The following PABPC4L variants were observed in gnomAD, a reference collection of about 807,000 sequenced individuals.
PABPC4L encodes polyadenylate-binding protein 4-like.
For missense variants in PABPC4L, 452 were observed against 451.4 expected, an observed-to-expected ratio of 1.00 and a Z score of -0.01; for synonymous variants, 169 against 164.1, an observed-to-expected ratio of 1.03 and a Z score of -0.23.
At chr4:134,048,791 G>C in the PABPC4L span, among the ~76,000 whole-genome samples, 2 of 151,990 alleles carry the variant, frequency 1.3e-5, no homozygotes, top group Admixed American at 6.6e-5. Context: ...TGATGTTCCA[G>C]CTAAATTAAT....
At chr4:134,108,655 C>T in the PABPC4L span, among the ~76,000 whole-genome samples, 1 of 151,720 alleles carries the variant, frequency 6.6e-6, no homozygotes, top group East Asian at 1.9e-4. Flanking sequence ...ATTATGATTT[C>T]CATGTGTGAA....
At chr4:134,177,241 C>T in the PABPC4L span, among the ~76,000 whole-genome samples, 4 of 146,390 alleles carry the variant, frequency 2.7e-5, no homozygotes, top group Non-Finnish European at 5.9e-5. Context: ...AGTGCAGTGG[C>T]AGGATCTTGG....
At chr4:134,151,667 T>C in the PABPC4L span, among the ~76,000 whole-genome samples, 1 of 152,052 alleles carries the variant, frequency 6.6e-6, no homozygotes, top group Non-Finnish European at 1.5e-5. Context: ...TTATTTATTT[T>C]ATTAACTCAA....
the PABPC4L span, among the ~76,000 whole-genome samples, chr4:134,103,297 G>A: frequency 7.9e-5 from 12 of 151,598 alleles, no homozygotes; most frequent in Admixed American, 4.6e-4. Context: ...GCAGTGATGG[G>A]TAGTGTACTT....
chr4:133,980,275 T>G, the PABPC4L span, among the ~76,000 whole-genome samples: 1 of 152,302 alleles, frequency 6.6e-6, no homozygotes, highest in Non-Finnish European at 1.5e-5. Flanking sequence ...TTGAGACAAA[T>G]TAACAAATAT....
the PABPC4L span, among the ~76,000 whole-genome samples, chr4:134,029,604 T>C: frequency 5.9e-5 from 9 of 151,972 alleles, no homozygotes; most frequent in Admixed American, 5.9e-4. Context: ...AAATATTTAA[T>C]AATATAAAAT....
chr4:134,062,540 A>ATT, the PABPC4L span, among the ~76,000 whole-genome samples: 1 of 152,208 alleles, frequency 6.6e-6, no homozygotes, highest in East Asian at 1.9e-4. Flanking sequence ...TACAAAAGTG[A>ATT]TTAAACAAAT....
the PABPC4L span, among the ~76,000 whole-genome samples, chr4:134,126,090 T>C: frequency 6.6e-6 from 1 of 152,276 alleles, no homozygotes; most frequent in Admixed American, 6.5e-5. Flanking sequence ...TTGATAACAT[T>C]ACCATTTTAT....
the PABPC4L span, among the ~76,000 whole-genome samples, chr4:134,187,711 T>G: frequency 6.6e-6 from 1 of 152,170 alleles, no homozygotes; most frequent in East Asian, 1.9e-4. Context: ...CTTTGAAGTC[T>G]GCTTTGTCTG....
At chr4:134,003,246 T>C in the PABPC4L span, among the ~76,000 whole-genome samples, 1 of 152,066 alleles carries the variant, frequency 6.6e-6, no homozygotes, top group East Asian at 1.9e-4. Context: ...CCTAACACCT[T>C]CCAGTTATGT....
At chr4:134,123,042 C>T in the PABPC4L span, among the ~76,000 whole-genome samples, 1 of 151,940 alleles carries the variant, frequency 6.6e-6, no homozygotes, top group East Asian at 1.9e-4. Flanking sequence ...CTATACAAAG[C>T]ATTGCTCCTA....
chr4:133,955,576 T>G, the PABPC4L span, among the ~76,000 whole-genome samples: 3 of 152,174 alleles, frequency 2.0e-5, no homozygotes, highest in Admixed American at 6.5e-5. Flanking sequence ...GTTTAAAAAT[T>G]TAAATTTTGA....
the PABPC4L span, among the ~76,000 whole-genome samples, chr4:134,154,088 T>C: frequency 6.6e-6 from 1 of 152,018 alleles, no homozygotes; most frequent in Non-Finnish European, 1.5e-5. Context: ...AAAGATAATC[T>C]ATCTTATTAT....
At chr4:134,098,553 G>A in the PABPC4L span, among the ~76,000 whole-genome samples, 2 of 151,646 alleles carry the variant, frequency 1.3e-5, no homozygotes, top group African/African-American at 2.4e-5. Flanking sequence ...TACTGATTTA[G>A]AATTCCAAAT....
At chr4:134,178,365 C>CAAAAAAAAAAAAAAAA in the PABPC4L span, among the ~76,000 whole-genome samples, 1 of 104,062 alleles carries the variant, frequency 9.6e-6, no homozygotes, top group Admixed American at 1.0e-4. Flanking sequence ...AAGAAAAAAG[C>CAAAAAAAAAAAAAAAA]AAAAAAAAAA....
the PABPC4L span, among the ~76,000 whole-genome samples, chr4:133,987,044 C>T: frequency 6.6e-6 from 1 of 152,090 alleles, no homozygotes; most frequent in Non-Finnish European, 1.5e-5. Flanking sequence ...CTGAGACTTT[C>T]AATTGTTGAT....
At chr4:133,979,493 G>A in the PABPC4L span, among the ~76,000 whole-genome samples, 131 of 152,224 alleles carry the variant, frequency 8.6e-4, 1 homozygote, top group African/African-American at 3.1e-3. Context: ...GGCAAGGGAT[G>A]TTTCCAACAG....
chr4:134,102,325 A>G, the PABPC4L span, among the ~76,000 whole-genome samples: 1 of 151,496 alleles, frequency 6.6e-6, no homozygotes, highest in Non-Finnish European at 1.5e-5. Flanking sequence ...CTGAGCTCAT[A>G]AAAGTGCTAT....
chr4:134,201,098 T>G lies in PABPC4L; in HGVS notation c.-79A>C, dbSNP rs1729864637. 3 of 1,550,898 alleles carry G rather than the reference T, an allele frequency of 1.9e-6. No homozygotes were observed. The highest frequency in any genetic ancestry group is 3.3e-4 in the Middle Eastern group (2 of 5,992). Reference sequence around the variant, plus strand: ...TGTGGGGGGATACTAGGTCACAGCTTTGGCCCGGTTCAAGTGTGGAGGCCT... The same window carrying G: ...TGTGGGGGGATACTAGGTCACAGCTGTGGCCCGGTTCAAGTGTGGAGGCCT... On this transcript the variant is annotated 5_prime_UTR_variant, in exon 2 of 2. Transcript: ENST00000421491.
Sources: allele counts gnomAD v4.1 joint callset (sites outside exome capture counted in the v4.1 genomes callset), GRCh38; gene constraint gnomAD v4.1.1; transcripts MANE v1.5; gene names NCBI Gene and HGNC (gene_info 2026-07-23, HGNC 2026-07-21).